Variants in XKR6 observed in about 807,000 individuals in gnomAD.
XKR6 encodes XK-related protein 6.
A neutral mutation model predicts 56.7 loss-of-function variants in XKR6; 22 were observed. That is an observed-to-expected ratio of 0.39 (90% confidence interval 0.28 to 0.55). XKR6 has a LOEUF of 0.55. XKR6 is among the 20% of genes least tolerant of loss of function. The pLI is 0.66. For missense variants in XKR6, 852 were observed against 889.0 expected (o/e 0.96, Z 0.53); for synonymous variants, 524 against 387.8 (o/e 1.35, Z -4.13).
At chr8:11,133,597 AC>A (rs113974236) in intron 1 of XKR6, among the ~76,000 whole-genome samples, 14,266 of 152,138 alleles carry the variant, frequency 0.094, 877 homozygotes, top group African/African-American at 0.16. Context: ...ACAGGCTAGG[AC>A]TCAGCAAAGA....
chr8:11,114,785 G>C (rs1197721568), intron 1 of XKR6, among the ~76,000 whole-genome samples: 1 of 139,694 alleles, frequency 7.2e-6, no homozygotes, highest in Non-Finnish European at 1.6e-5. Context: ...ATGTGCCAGG[G>C]CAAGAAAGGT....
intron 2 of XKR6, 30 bp downstream of exon 2, chr8:10,924,604 G>T (rs552004155): frequency 6.3e-7 from 1 of 1,585,050 alleles, no homozygotes; most frequent in African/African-American, 1.3e-5. Flanking sequence ...GGCAGGCCGG[G>T]GTGGCGGGGC....
intron 1 of XKR6, among the ~76,000 whole-genome samples, chr8:11,081,579 C>G (rs191868727): frequency 6.6e-6 from 1 of 152,306 alleles, no homozygotes; most frequent in East Asian, 1.9e-4. Context: ...AGGAAATTCC[C>G]ACACCAGCAG....
intron 1 of XKR6, among the ~76,000 whole-genome samples, chr8:10,930,846 C>A (rs189247125): frequency 6.6e-6 from 1 of 152,326 alleles, no homozygotes; most frequent in East Asian, 1.9e-4. Context: ...AGACTGAATG[C>A]TTTTGTCTTA....
intron 1 of XKR6, among the ~76,000 whole-genome samples, chr8:10,949,653 C>T (rs969945930): frequency 6.6e-6 from 1 of 152,316 alleles, no homozygotes; most frequent in South Asian, 2.1e-4. Context: ...TATTGTTATC[C>T]CCATTTTATA....
At chr8:11,115,915 T>C (rs1799150451) in intron 1 of XKR6, among the ~76,000 whole-genome samples, 1 of 152,240 alleles carries the variant, frequency 6.6e-6, no homozygotes, top group Non-Finnish European at 1.5e-5. Flanking sequence ...TGACAAATAC[T>C]ACCAAGTGAA....
intron 1 of XKR6, among the ~76,000 whole-genome samples, chr8:11,022,633 C>A (rs1377868253): frequency 1.3e-5 from 2 of 152,156 alleles, no homozygotes; most frequent in African/African-American, 2.4e-5. Flanking sequence ...CTTTTTCCAT[C>A]CCTACGACCC....
chr8:11,067,902 C>CG (rs763399104), intron 1 of XKR6, among the ~76,000 whole-genome samples: 3 of 152,240 alleles, frequency 2.0e-5, no homozygotes, highest in Non-Finnish European at 4.4e-5. Context: ...TGACTGCAGC[C>CG]GCGCCCATGC....
At chr8:11,119,039 T>C (rs1799316188) in intron 1 of XKR6, among the ~76,000 whole-genome samples, 1 of 152,082 alleles carries the variant, frequency 6.6e-6, no homozygotes, top group African/African-American at 2.4e-5. Context: ...AAAGAACATC[T>C]TTATTTCTGC....
chr8:10,941,030 C>G (rs983908385), intron 1 of XKR6, among the ~76,000 whole-genome samples: 1 of 152,198 alleles, frequency 6.6e-6, no homozygotes, highest in African/African-American at 2.4e-5. Flanking sequence ...CTCAGACACC[C>G]AGGGAGGAGG....
Position 11,087,340 on chromosome 8 carries a change from C to T in XKR6, c.764+113236G>A, listed in dbSNP as rs577234591. Among the ~76,000 whole-genome samples the T allele has an allele frequency of 2.6e-5, 4 of 152,340 alleles. No homozygotes were observed. The East Asian group carries it at 7.7e-4, about 29-fold the overall frequency. ...TGCTAACAGGACCCTGATCCTGATTCCTTTCCACCCCTCGGGGAAGGGCAC... is the reference window on the plus strand; with the variant it reads ...TGCTAACAGGACCCTGATCCTGATTTCTTTCCACCCCTCGGGGAAGGGCAC... On this transcript the variant is annotated intron_variant, in intron 1 of 2. Transcript: ENST00000416569.
chr8:11,149,709 A>G (rs1419005395), intron 1 of XKR6, among the ~76,000 whole-genome samples: 1 of 152,250 alleles, frequency 6.6e-6, no homozygotes, highest in African/African-American at 2.4e-5. Flanking sequence ...AACCAAAAAC[A>G]GAACCACTAT....
chr8:11,157,273 A>AG (rs1801567817), intron 1 of XKR6, among the ~76,000 whole-genome samples: 1 of 152,178 alleles, frequency 6.6e-6, no homozygotes, highest in South Asian at 2.1e-4. Flanking sequence ...TTGGAACTGA[A>AG]GGAAGACACA....
intron 1 of XKR6, among the ~76,000 whole-genome samples, chr8:10,964,373 C>A (rs1310991913): frequency 6.6e-6 from 1 of 152,178 alleles, no homozygotes; most frequent in Non-Finnish European, 1.5e-5. Context: ...GACATGGAGC[C>A]TTCTTTGGGC....
intron 1 of XKR6, among the ~76,000 whole-genome samples, chr8:11,170,530 C>T (rs1017663189): frequency 6.6e-6 from 1 of 152,136 alleles, no homozygotes; most frequent in Non-Finnish European, 1.5e-5. Context: ...GTTAGCAGTT[C>T]CCAGGGGCTG....
intron 1 of XKR6, among the ~76,000 whole-genome samples, chr8:11,010,777 T>A (rs4841477): frequency 2.3e-4 from 34 of 147,940 alleles, no homozygotes; most frequent in Admixed American, 1.6e-3. Context: ...CCTCCCCACC[T>A]TTTTTTTTTT....
intron 1 of XKR6, among the ~76,000 whole-genome samples, chr8:11,027,000 C>T (rs1322772847): frequency 1.3e-5 from 2 of 152,176 alleles, no homozygotes; most frequent in Non-Finnish European, 2.9e-5. Flanking sequence ...GATGGTCTAG[C>T]CTACTATACA....
intron 1 of XKR6, among the ~76,000 whole-genome samples, chr8:10,942,539 C>T (rs1194115910): frequency 1.3e-5 from 2 of 152,202 alleles, no homozygotes; most frequent in Non-Finnish European, 2.9e-5. Context: ...GCAGAGAGAC[C>T]GGGCACACAG....
At chr8:11,054,043 T>C (rs1052243780) in intron 1 of XKR6, among the ~76,000 whole-genome samples, 1 of 152,248 alleles carries the variant, frequency 6.6e-6, no homozygotes, top group African/African-American at 2.4e-5. Context: ...CATTATGTGA[T>C]AACACTGTTT....
Sources: allele counts gnomAD v4.1 joint callset (sites outside exome capture counted in the v4.1 genomes callset), GRCh38; gene constraint gnomAD v4.1.1; transcripts MANE v1.5; gene names NCBI Gene and HGNC (gene_info 2026-07-23, HGNC 2026-07-21).